Variants in ROBO1 observed in about 807,000 individuals in gnomAD.
The protein encoded by ROBO1 is roundabout homolog 1.
Under a neutral mutation model 195.9 loss-of-function variants are expected in ROBO1, and 149 were observed. The observed-to-expected ratio is 0.76, with a 90% CI of 0.67 to 0.87. ROBO1 has a LOEUF of 0.87. Ranked by LOEUF, ROBO1 falls within the 40% of genes least tolerant of loss-of-function variation. The pLI is 0.00. For missense variants in ROBO1, 1,933 were observed against 2,068.3 expected, an observed-to-expected ratio of 0.93 and a Z score of 1.27; for synonymous variants, 816 against 733.2, an observed-to-expected ratio of 1.11 and a Z score of -1.82.
chr3:78,618,846 A>G (rs1362562012), intron 26 of ROBO1, among the ~76,000 whole-genome samples: 2 of 152,204 alleles, frequency 1.3e-5, no homozygotes, highest in African/African-American at 4.8e-5. Flanking sequence ...ATTGGTTTCA[A>G]CCAACTCTCT....
chr3:79,253,767 A>G (rs578246412), intron 2 of ROBO1, among the ~76,000 whole-genome samples: 248 of 152,340 alleles, frequency 1.6e-3, no homozygotes, highest in Middle Eastern at 6.8e-3. Flanking sequence ...GCGTGAGTAT[A>G]TCTTAGACGC....
chr3:79,526,729 TG>T (rs1196627252), intron 2 of ROBO1, among the ~76,000 whole-genome samples: 1 of 152,168 alleles, frequency 6.6e-6, no homozygotes, highest in Non-Finnish European at 1.5e-5. Context: ...ACTGATCCAG[TG>T]ACTTAGCTTT....
chr3:79,392,029 C>T (rs1049443856), intron 2 of ROBO1, among the ~76,000 whole-genome samples: 1 of 152,154 alleles, frequency 6.6e-6, no homozygotes, highest in Non-Finnish European at 1.5e-5. Flanking sequence ...AAGTCAAGAA[C>T]AGTGGACCAG....
intron 3 of ROBO1, among the ~76,000 whole-genome samples, chr3:79,116,339 T>G (rs1026596061): frequency 6.6e-6 from 1 of 151,140 alleles, no homozygotes; most frequent in Non-Finnish European, 1.5e-5. Flanking sequence ...TTCTTTTCCT[T>G]TCTTTCTTTT....
At chr3:79,743,433 C>T (rs1703735624) in intron 1 of ROBO1, among the ~76,000 whole-genome samples, 1 of 152,182 alleles carries the variant, frequency 6.6e-6, no homozygotes, top group African/African-American at 2.4e-5. Context: ...ACTGAATTTG[C>T]TCTGAATGAG....
intron 4 of ROBO1, among the ~76,000 whole-genome samples, chr3:78,824,357 A>G (rs1368034922): frequency 2.0e-5 from 3 of 152,194 alleles, no homozygotes; most frequent in Non-Finnish European, 2.9e-5. Context: ...CTAAAAACAC[A>G]TATTTTTATT....
At chr3:78,782,918 C>G (rs1206851788) in intron 4 of ROBO1, among the ~76,000 whole-genome samples, 1 of 152,024 alleles carries the variant, frequency 6.6e-6, no homozygotes, top group Non-Finnish European at 1.5e-5. Flanking sequence ...TAACGTATGC[C>G]TGTTGAATAA....
At chr3:79,709,121 T>C (rs893279822) in intron 1 of ROBO1, among the ~76,000 whole-genome samples, 3 of 152,062 alleles carry the variant, frequency 2.0e-5, no homozygotes, top group Admixed American at 1.3e-4. Flanking sequence ...ATAGACACAT[T>C]TTAACTTAAG....
At chr3:78,969,336 A>G (rs903189170) in intron 3 of ROBO1, among the ~76,000 whole-genome samples, 3 of 152,214 alleles carry the variant, frequency 2.0e-5, no homozygotes, top group African/African-American at 7.2e-5. Flanking sequence ...TGAATGTGGT[A>G]GAAGACAGCA....
chr3:79,599,848 T>G (rs137868205), intron 1 of ROBO1, among the ~76,000 whole-genome samples: 2 of 152,030 alleles, frequency 1.3e-5, no homozygotes, highest in Non-Finnish European at 2.9e-5. Context: ...TAAAGACATT[T>G]TAAAAAATGA....
intron 3 of ROBO1, among the ~76,000 whole-genome samples, chr3:79,053,664 G>A (rs1290574377): frequency 6.6e-6 from 1 of 151,650 alleles, no homozygotes; most frequent in African/African-American, 2.4e-5. Flanking sequence ...TGCTCCTTCT[G>A]CTCCCCCAAT....
chr3:79,502,340 G>A (rs896095358), intron 2 of ROBO1, among the ~76,000 whole-genome samples: 6 of 152,156 alleles, frequency 3.9e-5, no homozygotes, highest in Non-Finnish European at 8.8e-5. Flanking sequence ...TCGGCGAGCC[G>A]CACTTGGAGC....
chr3:79,238,012 C>A (rs906054084), intron 2 of ROBO1, among the ~76,000 whole-genome samples: 1 of 152,154 alleles, frequency 6.6e-6, no homozygotes, highest in Non-Finnish European at 1.5e-5. Flanking sequence ...CATTTGAGGT[C>A]TTGGCACAAC....
chr3:79,725,886 A>G (rs1302013562), intron 1 of ROBO1, among the ~76,000 whole-genome samples: 1 of 151,310 alleles, frequency 6.6e-6, no homozygotes, highest in Admixed American at 6.7e-5. Flanking sequence ...AATATAATAA[A>G]GCTTACATAC....
intron 1 of ROBO1, among the ~76,000 whole-genome samples, chr3:79,617,296 C>A (rs1944855764): frequency 6.6e-6 from 1 of 151,980 alleles, no homozygotes; most frequent in Non-Finnish European, 1.5e-5. Context: ...ATTTCACAAC[C>A]AAATAAAAAT....
intron 1 of ROBO1, among the ~76,000 whole-genome samples, chr3:79,646,436 G>A (rs1264070146): frequency 6.6e-6 from 1 of 152,088 alleles, no homozygotes; most frequent in Non-Finnish European, 1.5e-5. Flanking sequence ...TGTGGAGAAA[G>A]GGAATTCTTG....
At chr3:79,041,207 T>C (rs1288602555) in intron 3 of ROBO1, among the ~76,000 whole-genome samples, 1 of 152,214 alleles carries the variant, frequency 6.6e-6, no homozygotes, top group Non-Finnish European at 1.5e-5. Context: ...TATACTTTCA[T>C]TTATATAGCA....
chr3:79,193,581 CTTTTTTT>C (rs869203963), intron 2 of ROBO1, among the ~76,000 whole-genome samples: 259 of 85,612 alleles, frequency 3.0e-3, no homozygotes, highest in Non-Finnish European at 3.9e-3. Context: ...TGTGGTTTTG[CTTTTTTT>C]TTTTTTTTTT....
At chr3:78,753,753 G>A (rs997634713) in intron 4 of ROBO1, among the ~76,000 whole-genome samples, 6 of 152,182 alleles carry the variant, frequency 3.9e-5, no homozygotes, top group African/African-American at 1.4e-4. Context: ...GTTCTCATTA[G>A]AATCAACATT....
Sources: gnomAD v4.1 joint callset for allele counts (sites outside exome capture counted in the v4.1 genomes callset) on GRCh38, gnomAD v4.1.1 for gene constraint, MANE v1.5 for transcripts, NCBI Gene and HGNC (gene_info 2026-07-23, HGNC 2026-07-21) for gene names.